The following ACTR3C variants were observed in gnomAD, a reference collection of about 807,000 sequenced individuals.
ACTR3C encodes actin related protein 3C, also known as actin-related protein 3C.
ACTR3C carries 18 observed loss-of-function variants against 26.3 expected under a neutral mutation model. The ratio of observed to expected loss-of-function variants is 0.68; its 90% CI spans 0.47 to 1.01. The LOEUF (loss-of-function observed/expected upper bound fraction) is 1.01. ACTR3C is among the 50% of genes least tolerant of loss of function. The pLI is 0.00. For synonymous variants in ACTR3C, 55 were observed against 94.5 expected (o/e 0.58, Z 2.42); for missense variants, 184 against 250.7 (o/e 0.73, Z 1.80).
chr7:150,006,185 A>AATTAATTAATTAATTTATTAATTTATTT, the ACTR3C span, among the ~76,000 whole-genome samples: 1 of 139,016 alleles, frequency 7.2e-6, no homozygotes, highest in African/African-American at 2.7e-5. Context: ...AATTGCACAG[A>AATTAATTAATTAATTTATTAATTTATTT]ATTTATTTAT....
At chr7:150,047,878 G>C in the ACTR3C span, 2 of 1,459,818 alleles carry the variant, frequency 1.4e-6, no homozygotes, top group Non-Finnish European at 1.8e-6. Flanking sequence ...CCTGCTGGCT[G>C]TCTTTAGGGC....
chr7:150,234,862 C>A, the ACTR3C span, among the ~76,000 whole-genome samples: 1 of 151,948 alleles, frequency 6.6e-6, no homozygotes, highest in African/African-American at 2.4e-5. Context: ...TTTTTTTGAC[C>A]TTATGCTCTC....
At chr7:150,167,079 A>T in the ACTR3C span, among the ~76,000 whole-genome samples, 1 of 143,206 alleles carries the variant, frequency 7.0e-6, no homozygotes, top group East Asian at 1.9e-4. Context: ...ACTTAGGTTG[A>T]TGCCATATCT....
At chr7:150,232,754 A>C in the ACTR3C span, among the ~76,000 whole-genome samples, 1 of 149,268 alleles carries the variant, frequency 6.7e-6, no homozygotes, top group Non-Finnish European at 1.5e-5. Context: ...ACCCAGGAGG[A>C]GGAGCTTGCA....
At chr7:150,010,342 TTCATTTGA>T in the ACTR3C span, among the ~76,000 whole-genome samples, 1 of 152,190 alleles carries the variant, frequency 6.6e-6, no homozygotes, top group African/African-American at 2.4e-5. Flanking sequence ...ACCACATCAT[TTCATTTGA>T]TAACAGTCCT....
the ACTR3C span, among the ~76,000 whole-genome samples, chr7:150,036,020 G>A: frequency 7.9e-6 from 1 of 126,344 alleles, no homozygotes; most frequent in East Asian, 2.1e-4. Context: ...CCAGCGATGG[G>A]GTCCTAAGAG....
chr7:150,147,026 A>G, the ACTR3C span, among the ~76,000 whole-genome samples: 23 of 152,152 alleles, frequency 1.5e-4, no homozygotes, highest in Admixed American at 1.4e-3. Flanking sequence ...TGTCTCCAGT[A>G]CCTTCCAACA....
At chr7:150,034,539 CA>C in the ACTR3C span, among the ~76,000 whole-genome samples, 1 of 151,542 alleles carries the variant, frequency 6.6e-6, no homozygotes, top group South Asian at 2.1e-4. Context: ...CCACAGTCTA[CA>C]AAATCCCACA....
the ACTR3C span, among the ~76,000 whole-genome samples, chr7:149,917,200 C>T: frequency 3.6e-3 from 555 of 152,108 alleles, 5 homozygotes; most frequent in African/African-American, 0.013. Flanking sequence ...CTCAGCCTCC[C>T]GAGTAGCTGG....
At chr7:149,986,483 C>T in the ACTR3C span, among the ~76,000 whole-genome samples, 1 of 152,282 alleles carries the variant, frequency 6.6e-6, no homozygotes, top group South Asian at 2.1e-4. Context: ...CAGAGTGATG[C>T]TTCTTTTTGA....
the ACTR3C span, among the ~76,000 whole-genome samples, chr7:150,204,855 A>G: frequency 8.5e-3 from 1,287 of 152,186 alleles, 19 homozygotes; most frequent in African/African-American, 0.03. Context: ...TGGCGAGTGC[A>G]GAGGAGGAGC....
the ACTR3C span, among the ~76,000 whole-genome samples, chr7:150,035,771 C>T: frequency 4.3e-4 from 59 of 137,022 alleles, 8 homozygotes; most frequent in South Asian, 0.013. Context: ...CCCCCCTCTG[C>T]GATGGGGTTC....
intron 1 of ACTR3C, among the ~76,000 whole-genome samples, chr7:150,307,741 G>T (rs1283558932): frequency 6.6e-6 from 1 of 152,158 alleles, no homozygotes; most frequent in Non-Finnish European, 1.5e-5. Flanking sequence ...CCTCCCTCCA[G>T]AGATCAATCG....
the ACTR3C span, among the ~76,000 whole-genome samples, chr7:150,193,985 C>G: frequency 2.8e-5 from 4 of 140,728 alleles, no homozygotes; most frequent in African/African-American, 1.2e-4. Context: ...TACACATACA[C>G]ACACAGACAC....
chr7:150,035,752 G>A, the ACTR3C span, among the ~76,000 whole-genome samples: 2 of 140,866 alleles, frequency 1.4e-5, 1 homozygote, highest in Non-Finnish European at 3.2e-5. Context: ...CGCCTCGCGG[G>A]GGGTGCGTCC....
chr7:149,886,401 G>T, the ACTR3C span, among the ~76,000 whole-genome samples: 1 of 152,110 alleles, frequency 6.6e-6, no homozygotes, highest in Non-Finnish European at 1.5e-5. Flanking sequence ...TTTGGAGGAC[G>T]GGGGGAGGAA....
At chr7:149,942,105 C>A in the ACTR3C span, among the ~76,000 whole-genome samples, 1 of 151,602 alleles carries the variant, frequency 6.6e-6, no homozygotes, top group Non-Finnish European at 1.5e-5. Flanking sequence ...AGATCCTGAG[C>A]TTTGGTGTGT....
At chr7:150,212,187 G>A in the ACTR3C span, among the ~76,000 whole-genome samples, 148 of 146,450 alleles carry the variant, frequency 1.0e-3, 8 homozygotes, top group Admixed American at 3.6e-3. Context: ...TTAGATTTGA[G>A]GGTCCTATAA....
At chr7:150,261,522 G>T (rs1161764080) in intron 6 of ACTR3C, among the ~76,000 whole-genome samples, 2 of 152,254 alleles carry the variant, frequency 1.3e-5, no homozygotes, top group African/African-American at 4.8e-5. Context: ...CCAACATGGT[G>T]AAACCCCGTC....
Sources: allele counts gnomAD v4.1 joint callset (sites outside exome capture counted in the v4.1 genomes callset), GRCh38; gene constraint gnomAD v4.1.1; transcripts MANE v1.5; gene names NCBI Gene and HGNC (gene_info 2026-07-23, HGNC 2026-07-21).